NBEA: variants seen among roughly 807,000 people sequenced by gnomAD.
NBEA encodes the protein neurobeachin.
NBEA carries 44 observed loss-of-function variants against 343.4 expected under a neutral mutation model. The observed-to-expected ratio is 0.13, with a 90% confidence interval of 0.10 to 0.16. NBEA has a LOEUF of 0.16. NBEA is among the 10% of genes least tolerant of loss of function. The pLI, the probability that NBEA is intolerant of heterozygous loss-of-function variation, is 1.00. For missense variants in NBEA, 2,555 were observed against 3,631.3 expected, an observed-to-expected ratio of 0.70 and a Z score of 7.62; for synonymous variants, 1,175 against 1,238.7, an observed-to-expected ratio of 0.95 and a Z score of 1.08.
intron 1 of NBEA, among the ~76,000 whole-genome samples, chr13:35,033,437 G>A (rs1359462486): frequency 1.3e-5 from 2 of 151,884 alleles, no homozygotes; most frequent in Admixed American, 6.6e-5. Flanking sequence ...GTCAGGTAAT[G>A]TGATTTCTCC....
intron 38 of NBEA, among the ~76,000 whole-genome samples, chr13:35,390,325 T>C (rs2042440740): frequency 6.6e-6 from 1 of 152,110 alleles, no homozygotes; most frequent in African/African-American, 2.4e-5. Flanking sequence ...ATAAGGGCTT[T>C]AACACTTTCT....
At chr13:35,493,741 A>G (rs1040208059) in intron 41 of NBEA, among the ~76,000 whole-genome samples, 1 of 151,950 alleles carries the variant, frequency 6.6e-6, no homozygotes, top group Admixed American at 6.6e-5. Context: ...TGATGAAGGC[A>G]TTGGAGTAGA....
chr13:35,541,725 G>GGGGTGTGTGTGT (rs149705241), intron 41 of NBEA, among the ~76,000 whole-genome samples: 2 of 145,144 alleles, frequency 1.4e-5, no homozygotes, highest in African/African-American at 5.1e-5. Flanking sequence ...GGTCTGCATG[G>GGGGTGTGTGTGT]GTGTGTGTGT....
chr13:35,439,483 A>G (rs1273068013), intron 39 of NBEA, among the ~76,000 whole-genome samples: 1 of 152,204 alleles, frequency 6.6e-6, no homozygotes, highest in Non-Finnish European at 1.5e-5. Context: ...ATGGAGACAT[A>G]AACGACCCTT....
intron 33 of NBEA, among the ~76,000 whole-genome samples, chr13:35,224,034 G>A (rs577636756): frequency 7.2e-5 from 11 of 152,196 alleles, no homozygotes; most frequent in South Asian, 4.1e-4. Flanking sequence ...TTCGCCTTGC[G>A]CATGGCCTCC....
At chr13:35,668,973 G>A (rs929360548) in intron 58 of NBEA, among the ~76,000 whole-genome samples, 10 of 152,140 alleles carry the variant, frequency 6.6e-5, no homozygotes, top group South Asian at 2.1e-4. Flanking sequence ...AACAGCATGC[G>A]GCACTCACGC....
At chr13:35,144,038 G>A (rs117225057) in intron 18 of NBEA, among the ~76,000 whole-genome samples, 2,943 of 152,256 alleles carry the variant, frequency 0.019, 41 homozygotes, top group Non-Finnish European at 0.028. Flanking sequence ...AAATGATGGG[G>A]GAAAAAGTGT....
chr13:35,045,961 C>T (rs2062837387), intron 4 of NBEA, among the ~76,000 whole-genome samples: 1 of 151,894 alleles, frequency 6.6e-6, no homozygotes, highest in African/African-American at 2.4e-5. Flanking sequence ...TCCTAACCTC[C>T]TGTTTGCCCG....
chr13:34,943,167 C>T (rs1246970110), intron 1 of NBEA, 53 bp downstream of exon 1: 3 of 1,595,940 alleles, frequency 1.9e-6, no homozygotes, highest in Non-Finnish European at 8.5e-7. Context: ...CATACACCGT[C>T]CCCAGCGCCT....
intron 33 of NBEA, among the ~76,000 whole-genome samples, chr13:35,223,264 G>GT (rs1187359994): frequency 7.2e-5 from 11 of 152,132 alleles, no homozygotes; most frequent in African/African-American, 2.4e-4. Flanking sequence ...GTATAAATCT[G>GT]TTTTTGTCTG....
Position 35,195,913 on chromosome 13 carries a change from T to C in NBEA, c.4977T>C (p.Thr1659=). The C allele has an allele frequency of 1.2e-6, 2 of 1,612,408 alleles. No homozygotes were observed. Among genetic ancestry groups the C allele is most frequent in the Non-Finnish European group, 1.7e-6 (2 of 1,179,362 alleles). ...PDTIKEKETP[T]PGEDIQVESS... ...CCATAAAAGAAAAAGAAACACCAAC[T>C]CCTGGTGAAGATATTCAGGTAGAAA... The change falls in exon 31 of 59, where the codon ACT becomes ACC. Residue 1659 remains threonine (T), a synonymous_variant. Coordinates refer to ENST00000379939, the MANE Select transcript of NBEA (RefSeq NM_001385012.1).
rs1378367594 is a variant in NBEA at position 35,110,842 on chromosome 13, T to A, written c.1866T>A (p.Ala622=). 1 of 1,612,404 alleles carries A rather than the reference T, an allele frequency of 6.2e-7. No individual in the cohort carries two copies. The highest frequency in any genetic ancestry group is 1.1e-5 in the South Asian group (1 of 91,004). ...VQLSLYTYLS[A]EFIGTATIYT... ...TTTCCCTATACACATATTTGTCTGC[T>A]GAATTTATTGGAACTGCTACCATCT... Residue 622 remains alanine (A), a synonymous_variant, in exon 13 of 59, where the codon GCT becomes GCA. Transcript: ENST00000379939.
Position 35,668,332 on chromosome 13 carries a change from GT to G in NBEA, c.8662-27del, listed in dbSNP as rs369016088. On this transcript the variant is annotated intron_variant, in intron 57 of 58. Transcript: ENST00000379939. ...GTTGTTGTGTATTTTATTTTATTTT[GT>G]TTTTTTTTGTTTGTTTGTTTTACCT... The G allele has an allele frequency of 2.9e-4, 431 of 1,500,372 alleles. No homozygotes were observed. The African/African-American group carries it at 3.7e-3, about 13-fold the overall frequency. The allele number at this position is 1,500,372 out of a possible 1,614,324, so 92.9% of individuals were successfully genotyped here.
intron 26 of NBEA, 24 bp downstream of exon 26, chr13:35,171,476 C>A: frequency 6.3e-7 from 1 of 1,576,514 alleles, no homozygotes; most frequent in South Asian, 1.2e-5. Flanking sequence ...AACAATAGTG[C>A]ATGTCAAATA....
intron 47 of NBEA, among the ~76,000 whole-genome samples, chr13:35,598,723 A>G (rs140381221): frequency 6.6e-6 from 1 of 152,144 alleles, no homozygotes; most frequent in Admixed American, 6.6e-5. Context: ...AGTCTGAAAA[A>G]CACTACCTGA....
chr13:35,310,526 A>T (rs905819788), intron 36 of NBEA, among the ~76,000 whole-genome samples: 2 of 152,236 alleles, frequency 1.3e-5, no homozygotes, highest in Non-Finnish European at 2.9e-5. Context: ...TATTATTAAA[A>T]CAATAAGTAA....
intron 10 of NBEA, among the ~76,000 whole-genome samples, chr13:35,088,142 T>G (rs1335400916): frequency 6.6e-6 from 1 of 151,884 alleles, no homozygotes; most frequent in Non-Finnish European, 1.5e-5. Flanking sequence ...ATTGCAGCCA[T>G]AGCTACTGAA....
In NBEA at chr13:35,161,745, T is replaced by G; in HGVS notation, c.3862-5T>G. On this transcript the variant is annotated splice_polypyrimidine_tract_variant and splice_region_variant and intron_variant, in intron 22 of 58. Transcript: ENST00000379939. ...TCCACAAAAGTTCATCTTTTCCTTC[T>G]TTAGGCTGTGCAGGGTCGGTCTATC... is the stretch of plus-strand genomic sequence containing the variant. 1 of 1,605,240 alleles carries G rather than the reference T, an allele frequency of 6.2e-7. No individual in the cohort carries two copies. The highest frequency in any genetic ancestry group is 8.5e-7 in the Non-Finnish European group (1 of 1,175,614).
At chr13:35,389,970 A>AGTGTGTGTGTGTGT (rs10523765) in intron 38 of NBEA, among the ~76,000 whole-genome samples, 19,551 of 137,672 alleles carry the variant, frequency 0.14, 1,574 homozygotes, top group East Asian at 0.27. Context: ...TCTTTTGTAG[A>AGTGTGTGTGTGTGT]GTGTGTGTGT....
Sources: gnomAD v4.1 joint callset for allele counts (sites outside exome capture counted in the v4.1 genomes callset) on GRCh38, gnomAD v4.1.1 for gene constraint, MANE v1.5 for transcripts, NCBI Gene and HGNC (gene_info 2026-07-23, HGNC 2026-07-21) for gene names.